UBAP2L: variants seen among roughly 807,000 people sequenced by gnomAD.
The protein encoded by UBAP2L is ubiquitin associated protein 2 like.
UBAP2L carries 12 observed loss-of-function variants against 130.6 expected under a neutral mutation model. That is an observed-to-expected ratio of 0.09 (90% CI 0.06 to 0.15). The LOEUF is 0.15. UBAP2L is among the 10% of genes least tolerant of loss of function. The pLI is 1.00. For missense variants in UBAP2L, 965 were observed against 1,332.5 expected, an observed-to-expected ratio of 0.72 and a Z score of 4.29; for synonymous variants, 503 against 524.7, an observed-to-expected ratio of 0.96 and a Z score of 0.57.
intron 24 of UBAP2L, 38 bp downstream of exon 24, chr1:154,261,735 G>A (rs779541950): frequency 8.2e-6 from 13 of 1,593,262 alleles, no homozygotes; most frequent in Non-Finnish European, 2.6e-6. Flanking sequence ...GTTATCTGTG[G>A]GGTGTTATTG....
At position 154,221,015 on chromosome 1, in the gene UBAP2L, C is replaced by T. The variant is rs1021930414; in HGVS notation, c.-41+40C>T. The T allele has an allele frequency of 2.0e-5, 4 of 201,376 alleles. No individual in the cohort carries two copies. The East Asian group carries it at 5.2e-4, about 26-fold the overall frequency. 12.5% of individuals were successfully genotyped at this position (201,376 alleles called of 1,614,324 possible). A position where few individuals can be genotyped will look rare whatever the true frequency, so the allele number is the denominator to read the frequency against. ...GCAGCGGCGTTGGCGGCGGCGGCGG[C>T]GGCAGCGGCAGCGCGGCGGGGCCGG... is the stretch of plus-strand genomic sequence containing the variant. On this transcript the variant is annotated intron_variant, in intron 1 of 26. Transcript: ENST00000428931.
chr1:154,268,633 A>T, intron 25 of UBAP2L, 124 bp from the exon 26 acceptor site: 1 of 889,222 alleles, frequency 1.1e-6, no homozygotes, highest in African/African-American at 1.7e-5. Flanking sequence ...TGTGACTTCA[A>T]GTGTACTGTG....
At chr1:154,245,064 T>C (rs1402194884) in intron 10 of UBAP2L, among the ~76,000 whole-genome samples, 1 of 152,144 alleles carries the variant, frequency 6.6e-6, no homozygotes, top group African/African-American at 2.4e-5. Context: ...CCCGAGTAGC[T>C]GGTATAGTAG....
At chr1:154,249,473 A>G (rs1214912551) in intron 12 of UBAP2L, 36 bp downstream of exon 12, 1 of 1,612,538 alleles carries the variant, frequency 6.2e-7, no homozygotes, top group East Asian at 2.2e-5. Flanking sequence ...TCTTTAAAGC[A>G]TTGGAGCATT....
chr1:154,241,692 C>A, intron 9 of UBAP2L, 127 bp downstream of exon 9: 1 of 1,487,822 alleles, frequency 6.7e-7, no homozygotes, highest in South Asian at 1.3e-5. Context: ...CTTTTACATC[C>A]AAAATAGTGT....
intron 12 of UBAP2L, 76 bp from the exon 13 acceptor site, chr1:154,250,965 T>C: frequency 6.7e-7 from 1 of 1,482,042 alleles, no homozygotes; most frequent in Non-Finnish European, 9.1e-7. Context: ...TCATTCATGG[T>C]GCTAGTGCAG....
Position 154,270,831 on chromosome 1 carries a change from T to TA in UBAP2L, c.*541dup, listed in dbSNP as rs1446294324. ...AATGGATTAATGTGTCTTGTATATA[T>TA]AAAAAGAAAACCTCTACCTTCAGCC... On this transcript the variant is annotated 3_prime_UTR_variant, in exon 27 of 27. Transcript: ENST00000428931. The TA allele has an allele frequency of 9.6e-6, 14 of 1,457,486 alleles. No individual in the cohort carries two copies. The highest frequency in any genetic ancestry group is 1.3e-5 in the Non-Finnish European group (14 of 1,089,818). 90.3% of individuals were successfully genotyped at this position (1,457,486 alleles called of 1,614,324 possible). A position where few individuals can be genotyped will look rare whatever the true frequency, so the allele number is the denominator to read the frequency against.
intron 26 of UBAP2L, among the ~76,000 whole-genome samples, chr1:154,269,926 T>G (rs894354084): frequency 1.3e-5 from 2 of 152,178 alleles, no homozygotes; most frequent in African/African-American, 2.4e-5. Context: ...AGTGTGAGAA[T>G]GTAGAATTGA....
At position 154,223,513 on chromosome 1, in the gene UBAP2L, T is replaced by G. The variant is rs531946703; in HGVS notation, c.-40-1571T>G. On this transcript the variant is annotated intron_variant, in intron 1 of 26. Transcript: ENST00000428931. Reference sequence around the variant, plus strand: ...TCTTGTTGATTTGGATTCGGGGTACTTGGTTAAACATTTTTTTTTTTTGTA... The same window carrying G: ...TCTTGTTGATTTGGATTCGGGGTACGTGGTTAAACATTTTTTTTTTTTGTA... Among the ~76,000 whole-genome samples the G allele has an allele frequency of 3.6e-5, 4 of 110,876 alleles. No individual in the cohort carries two copies. In the East Asian group the frequency reaches 1.7e-3, roughly 46 times the overall value. The allele number at this position is 110,876 out of a possible 152,430, so 72.7% of individuals were successfully genotyped here.
chr1:154,248,125 G>C (rs1025080119), intron 11 of UBAP2L, among the ~76,000 whole-genome samples: 1 of 151,868 alleles, frequency 6.6e-6, no homozygotes, highest in East Asian at 1.9e-4. Flanking sequence ...CCGCCACCAC[G>C]CTTGGCTAAT....
chr1:154,270,417 C>T lies in UBAP2L; in HGVS notation c.*122C>T. ...TCCGCTGCCCCCCACCCCCAGCGGC[C>T]CACCCCATGCCTCAGCTTCATGTCT... On this transcript the variant is annotated 3_prime_UTR_variant, in exon 27 of 27. Transcript: ENST00000428931. 1 of 1,522,012 alleles carries T rather than the reference C, an allele frequency of 6.6e-7. No individual in the cohort carries two copies. Among genetic ancestry groups the T allele is most frequent in the Non-Finnish European group, 8.8e-7 (1 of 1,133,012 alleles). 94.3% of individuals were successfully genotyped at this position (1,522,012 alleles called of 1,614,324 possible). A position where few individuals can be genotyped will look rare whatever the true frequency, so the allele number is the denominator to read the frequency against.
chr1:154,258,356 C>T (rs980590297), intron 20 of UBAP2L, among the ~76,000 whole-genome samples: 1 of 152,180 alleles, frequency 6.6e-6, no homozygotes, highest in Non-Finnish European at 1.5e-5. Context: ...GGAAAGTTTC[C>T]TGACTCAATC....
Position 154,254,862 on chromosome 1 carries a change from G to A in UBAP2L, c.1881G>A (p.Thr627=), listed in dbSNP as rs773800440. Residue 627 remains threonine, a synonymous_variant, in exon 16 of 27, where the codon ACG becomes ACA. Transcript: ENST00000428931. ...AKNGFSSVQA[T]QLQTTQSVEG... ...ATGGCTTCAGTTCTGTGCAGGCCAC[G>A]CAGTTACAGACCACACAATCTGTTG... is the stretch of plus-strand genomic sequence containing the variant. 14 of 1,601,894 alleles carry A rather than the reference G, an allele frequency of 8.7e-6. No homozygotes were observed. The Middle Eastern group carries it at 1.3e-3, about 152-fold the overall frequency.
chr1:154,225,290 C>T (rs1174744171), intron 2 of UBAP2L, 77 bp downstream of exon 2: 3 of 1,507,096 alleles, frequency 2.0e-6, no homozygotes, highest in Admixed American at 3.6e-5. Flanking sequence ...CAGCATCATT[C>T]TGTGCTTTGA....
chr1:154,256,006 A>G (rs1026996652), intron 18 of UBAP2L, among the ~76,000 whole-genome samples: 7 of 152,192 alleles, frequency 4.6e-5, no homozygotes, highest in Non-Finnish European at 5.9e-5. Context: ...TACTGAATAT[A>G]TAGTTGGGCT....
At chr1:154,220,194 T>C, upstream of UBAP2L, 1 of 1,042,570 alleles carries the variant, frequency 9.6e-7, no homozygotes, top group Non-Finnish European at 1.5e-6. Context: ...CTAAGTGACT[T>C]AAACTCCCAC....
chr1:154,246,261 T>C lies in UBAP2L; in HGVS notation c.900T>C (p.Ser300=), dbSNP rs769688693. The change falls in exon 11 of 27, where the codon TCT becomes TCC. Residue 300 remains serine, a synonymous_variant. Transcript: ENST00000428931. The part of the protein sequence containing the change: ...KTPSTMENDS[S]NLDPSQAPSL... ...CATCTACAATGGAGAATGATTCATC[T>C]AATCTGGATCCGTCTCAGGCTCCTT... 10 of 1,613,756 alleles carry C rather than the reference T, an allele frequency of 6.2e-6. No homozygotes were observed. The highest frequency in any genetic ancestry group is 7.6e-6 in the Non-Finnish European group (9 of 1,179,938).
At chr1:154,241,678 A>C in intron 9 of UBAP2L, 113 bp downstream of exon 9, 1 of 1,516,910 alleles carries the variant, frequency 6.6e-7, no homozygotes, top group Admixed American at 2.2e-5. Flanking sequence ...ATTCTGACCC[A>C]AAACTTTTAC....
At chr1:154,240,523 AT>A (rs1673180732) in intron 8 of UBAP2L, among the ~76,000 whole-genome samples, 1 of 152,176 alleles carries the variant, frequency 6.6e-6, no homozygotes. Flanking sequence ...AGTAACTATC[AT>A]TCATACCTGA....
Sources: allele counts gnomAD v4.1 joint callset (sites outside exome capture counted in the v4.1 genomes callset), GRCh38; gene constraint gnomAD v4.1.1; transcripts MANE v1.5; gene names NCBI Gene and HGNC (gene_info 2026-07-23, HGNC 2026-07-21).